Variants in NKIRAS1 observed in about 807,000 individuals in gnomAD.
NKIRAS1 encodes NF-kappa-B inhibitor-interacting Ras-like protein 1.
NKIRAS1 carries 16 observed loss-of-function variants against 19.8 expected under a neutral mutation model. That is an observed-to-expected ratio of 0.81 (90% CI 0.55 to 1.23). NKIRAS1 has a LOEUF of 1.23. NKIRAS1 is among the 50% of genes most tolerant of loss of function. The pLI, the probability that NKIRAS1 is intolerant of heterozygous loss-of-function variation, is 0.00. For missense variants in NKIRAS1, 184 were observed against 220.0 expected, an observed-to-expected ratio of 0.84 and a Z score of 1.04; for synonymous variants, 88 against 79.0, an observed-to-expected ratio of 1.11 and a Z score of -0.61.
At chr3:23,943,147 C>A (rs960395236) in intron 1 of NKIRAS1, among the ~76,000 whole-genome samples, 1 of 152,218 alleles carries the variant, frequency 6.6e-6, no homozygotes, top group Admixed American at 6.5e-5. Context: ...ACTTTCCCTG[C>A]CCTAAAAATC....
intron 3 of NKIRAS1, among the ~76,000 whole-genome samples, chr3:23,905,538 G>A (rs771491931): frequency 6.6e-5 from 10 of 152,046 alleles, no homozygotes; most frequent in Non-Finnish European, 1.2e-4. Context: ...AATGTATCAC[G>A]TATATTTTCT....
chr3:23,934,844 ACTTACAG>A (rs1559516461), intron 1 of NKIRAS1, among the ~76,000 whole-genome samples: 1 of 138,938 alleles, frequency 7.2e-6, no homozygotes, highest in Non-Finnish European at 1.6e-5. Flanking sequence ...AAAAAAAAAA[ACTTACAG>A]AGAATATCAG....
At chr3:23,946,394 G>A in exon 1 of NKIRAS1, 7 of 718,620 alleles carry the variant, frequency 9.7e-6, no homozygotes, top group Non-Finnish European at 1.2e-5. Context: ...CGGGGAAGGC[G>A]TGGGGCTTTC....
Position 23,916,967 on chromosome 3 carries a change from T to C in NKIRAS1, c.-323A>G, listed in dbSNP as rs769319392. On this transcript the variant is annotated 5_prime_UTR_variant, in exon 1 of 5. Transcript: ENST00000425478. ...CGCCCAGGCCGCTCAGGCTCGAATC[T>C]TGCGGAGCAGGGGGCGGGACAATAG... 1 of 152,650 alleles carries C rather than the reference T, an allele frequency of 6.6e-6. No individual in the cohort carries two copies. The highest frequency in any genetic ancestry group is 2.1e-4 in the South Asian group (1 of 4,838). 9.5% of individuals were successfully genotyped at this position (152,650 alleles called of 1,614,324 possible).
intron 3 of NKIRAS1, among the ~76,000 whole-genome samples, chr3:23,904,931 G>A (rs1241958370): frequency 2.0e-5 from 3 of 152,138 alleles, no homozygotes; most frequent in Non-Finnish European, 4.4e-5. Flanking sequence ...GTAGTTTCAT[G>A]CAATAGAATG....
chr3:23,909,741 GA>G (rs1436221519), intron 3 of NKIRAS1, among the ~76,000 whole-genome samples: 1 of 151,892 alleles, frequency 6.6e-6, no homozygotes, highest in African/African-American at 2.4e-5. Context: ...TTGACTCAGC[GA>G]ATGAATAAAT....
At chr3:23,939,698 C>T (rs941319551) in intron 1 of NKIRAS1, among the ~76,000 whole-genome samples, 1 of 152,188 alleles carries the variant, frequency 6.6e-6, no homozygotes, top group Non-Finnish European at 1.5e-5. Context: ...GAGCTGAGAT[C>T]GTGCCACTGC....
upstream of NKIRAS1, chr3:23,918,170 G>C: frequency 9.1e-7 from 1 of 1,099,794 alleles, no homozygotes; most frequent in Non-Finnish European, 1.3e-6. Context: ...ACACTGGTCA[G>C]TTACTGTATG....
intron 1 of NKIRAS1, among the ~76,000 whole-genome samples, chr3:23,937,960 A>G (rs1705427077): frequency 6.6e-6 from 1 of 152,192 alleles, no homozygotes; most frequent in Non-Finnish European, 1.5e-5. Flanking sequence ...TATTAAGACA[A>G]TAAGAGACTC....
chr3:23,894,600 G>A (rs1303888459), intron 4 of NKIRAS1, among the ~76,000 whole-genome samples: 1 of 128,416 alleles, frequency 7.8e-6, no homozygotes, highest in Non-Finnish European at 1.7e-5. Flanking sequence ...TTAGAATTCA[G>A]CAAGACTAAC....
intron 1 of NKIRAS1, among the ~76,000 whole-genome samples, chr3:23,942,422 T>C (rs905729725): frequency 6.6e-6 from 1 of 152,106 alleles, no homozygotes; most frequent in Non-Finnish European, 1.5e-5. Flanking sequence ...TTCAAAGCCA[T>C]AGTTTATTTT....
upstream of NKIRAS1, chr3:23,919,381 A>G (rs181790084): frequency 1.6e-5 from 25 of 1,602,852 alleles, no homozygotes; most frequent in Admixed American, 6.7e-5. Context: ...GTGGGCTGAC[A>G]TCTGCAGGCC....
intron 1 of NKIRAS1, among the ~76,000 whole-genome samples, chr3:23,940,761 G>A (rs898338344): frequency 2.0e-5 from 3 of 152,076 alleles, no homozygotes; most frequent in Admixed American, 6.6e-5. Context: ...ACATATTATT[G>A]AGGCAGAATT....
chr3:23,910,750 C>A, intron 3 of NKIRAS1, 61 bp downstream of exon 3: 1 of 1,254,528 alleles, frequency 8.0e-7, no homozygotes. Context: ...TTAGCATGAC[C>A]AACAAAAGAC....
At chr3:23,894,341 A>G (rs1701767529) in intron 4 of NKIRAS1, among the ~76,000 whole-genome samples, 1 of 152,182 alleles carries the variant, frequency 6.6e-6, no homozygotes, top group Non-Finnish European at 1.5e-5. Context: ...AGATCTTGGA[A>G]CCACTACTGT....
chr3:23,893,890 A>C (rs562867874), intron 4 of NKIRAS1, among the ~76,000 whole-genome samples: 2 of 150,858 alleles, frequency 1.3e-5, no homozygotes, highest in African/African-American at 4.9e-5. Context: ...TGGAAGATGG[A>C]CTTGGGAAAT....
intron 1 of NKIRAS1, among the ~76,000 whole-genome samples, chr3:23,915,499 AT>A (rs1443061748): frequency 2.0e-5 from 3 of 152,282 alleles, no homozygotes; most frequent in East Asian, 3.9e-4. Context: ...GACTAACACA[AT>A]TTCCTAAGCA....
At chr3:23,933,633 C>T (rs1705350357) in intron 1 of NKIRAS1, among the ~76,000 whole-genome samples, 1 of 152,186 alleles carries the variant, frequency 6.6e-6, no homozygotes, top group African/African-American at 2.4e-5. Flanking sequence ...CCTATCTCCC[C>T]CACTCCTACT....
upstream of NKIRAS1, chr3:23,920,270 G>A (rs1188800578): frequency 3.0e-6 from 3 of 985,606 alleles, no homozygotes; most frequent in Non-Finnish European, 3.6e-6. Context: ...ACATTAGGGG[G>A]AAAGTAGTTG....
Sources: gnomAD v4.1 joint callset for allele counts (sites outside exome capture counted in the v4.1 genomes callset) on GRCh38, gnomAD v4.1.1 for gene constraint, MANE v1.5 for transcripts, NCBI Gene and HGNC (gene_info 2026-07-23, HGNC 2026-07-21) for gene names.